Variants in MYO5A observed in about 807,000 individuals in gnomAD.
MYO5A encodes myosin VA.
Under a neutral mutation model 249.7 loss-of-function variants are expected in MYO5A, and 98 were observed. The observed-to-expected ratio is 0.39, with a 90% CI of 0.33 to 0.46. The LOEUF (loss-of-function observed/expected upper bound fraction) is 0.46, where lower values mean the gene tolerates loss of function less well. Ranked by LOEUF, MYO5A falls within the 20% of genes least tolerant of loss-of-function variation. The pLI is 0.98. For missense variants in MYO5A, 1,696 were observed against 2,308.8 expected (o/e 0.73, Z 5.44); for synonymous variants, 778 against 810.6 (o/e 0.96, Z 0.68).
intron 27 of MYO5A, among the ~76,000 whole-genome samples, chr15:52,352,352 T>A (rs2039997069): frequency 6.6e-6 from 1 of 152,214 alleles, no homozygotes. Context: ...AGCACCATGG[T>A]GCCTCATTTA....
chr15:52,526,045 CA>C (rs1050422916), intron 1 of MYO5A, among the ~76,000 whole-genome samples: 1 of 152,162 alleles, frequency 6.6e-6, no homozygotes, highest in African/African-American at 2.4e-5. Flanking sequence ...GGCCCATTCA[CA>C]AAAAGAATTT....
chr15:52,522,415 A>G (rs1249137371), intron 1 of MYO5A, among the ~76,000 whole-genome samples: 1 of 152,176 alleles, frequency 6.6e-6, no homozygotes, highest in East Asian at 1.9e-4. Flanking sequence ...CTAGGAAGAT[A>G]AATAGAATAA....
chr15:52,333,170 C>T (rs758252092), intron 34 of MYO5A, among the ~76,000 whole-genome samples: 11 of 149,366 alleles, frequency 7.4e-5, no homozygotes, highest in Admixed American at 2.7e-4. Flanking sequence ...TATAAATCAC[C>T]CAGTCTCAAG....
At chr15:52,425,678 T>C (rs528036989) in intron 4 of MYO5A, 152 bp downstream of exon 4, 21 of 861,862 alleles carry the variant, frequency 2.4e-5, no homozygotes, top group Non-Finnish European at 3.6e-5. Context: ...TATTTAATAA[T>C]AATCCAAGTC....
In MYO5A at chr15:52,428,412, A is replaced by G. The variant is rs1234793085; in HGVS notation, c.296T>C (p.Ile99Thr). The change falls in exon 3 of 42, where the codon ATT (isoleucine) becomes ACT (threonine). Residue 99 changes from isoleucine to threonine, a missense_variant. By Grantham distance (89) the Ile-to-Thr change is moderately conservative. Around this residue, in one of 5 missense-constraint regions of MYO5A, gnomAD observed 197 missense variants for 320.3 expected, o/e 0.62. Coordinates refer to ENST00000399233, the MANE Select transcript of MYO5A (RefSeq NM_001382347.1). ...LRVRFIDSKL[I>T]YTYCGIVLVA... ...AGCATACTTACCACAATACGTATAA[A>G]TAAGTTTGGAATCAATAAAGCGGAC... 1.9e-6 allele frequency: 3 copies of G among 1,613,932 alleles called. No homozygotes were observed. The highest frequency in any genetic ancestry group is 1.3e-5 in the African/African-American group (1 of 74,930).
At chr15:52,339,086 GC>G (rs1461317795) in intron 32 of MYO5A, among the ~76,000 whole-genome samples, 2 of 152,064 alleles carry the variant, frequency 1.3e-5, no homozygotes, top group Non-Finnish European at 2.9e-5. Context: ...CCCACACACT[GC>G]CCCCACCCTC....
At position 52,435,646 on chromosome 15, in the gene MYO5A, T is replaced by C. The variant is rs149732125; in HGVS notation, c.28-2361A>G. 1.1e-3 allele frequency: 494 copies of C among 455,728 alleles called. 1 individual carries two copies. Among genetic ancestry groups the C allele is most frequent in the African/African-American group, 8.6e-3 (433 of 50,144 alleles). The allele number at this position is 455,728 out of a possible 1,614,324, so 28.2% of individuals were successfully genotyped here. A position where few individuals can be genotyped will look rare whatever the true frequency, so the allele number is the denominator to read the frequency against. The stretch of plus-strand genomic sequence containing the variant: ...GGGAAGCTGCTGTGGTATATTGCCA[T>C]AGTTTCCAAACTACTAGATTTCATG... On this transcript the variant is annotated intron_variant, in intron 1 of 41. Transcript: ENST00000399233.
At chr15:52,481,537 C>T (rs991636355) in intron 1 of MYO5A, among the ~76,000 whole-genome samples, 3 of 152,146 alleles carry the variant, frequency 2.0e-5, no homozygotes, top group Non-Finnish European at 4.4e-5. Flanking sequence ...GTACAAGGTG[C>T]CATGGGAGCC....
At chr15:52,446,621 A>C (rs887785087) in intron 1 of MYO5A, among the ~76,000 whole-genome samples, 3 of 152,152 alleles carry the variant, frequency 2.0e-5, no homozygotes, top group Admixed American at 2.0e-4. Flanking sequence ...TCGTAAATCC[A>C]CTGGCACCTT....
At chr15:52,485,269 A>C (rs2076795651) in intron 1 of MYO5A, among the ~76,000 whole-genome samples, 1 of 151,292 alleles carries the variant, frequency 6.6e-6, no homozygotes. Flanking sequence ...TAAAAAAAAA[A>C]AAAAAAAAAA....
chr15:52,528,815 C>T lies in MYO5A; in HGVS notation c.-9G>A. ...AGCTCCGACGCAGCCATGGCGGGCCCCGCGCGCCTACGCCCCCCGCCTGTG... is the reference window on the plus strand; with the variant it reads ...AGCTCCGACGCAGCCATGGCGGGCCTCGCGCGCCTACGCCCCCCGCCTGTG... On this transcript the variant is annotated 5_prime_UTR_variant, in exon 1 of 42. Transcript: ENST00000399233. The T allele has an allele frequency of 1.3e-6, 2 of 1,488,048 alleles. No individual in the cohort carries two copies. The highest frequency in any genetic ancestry group is 1.8e-6 in the Non-Finnish European group (2 of 1,125,246). 92.2% of individuals were successfully genotyped at this position (1,488,048 alleles called of 1,614,324 possible). A position where few individuals can be genotyped will look rare whatever the true frequency, so the allele number is the denominator to read the frequency against.
At chr15:52,448,092 T>C (rs915231995) in intron 1 of MYO5A, among the ~76,000 whole-genome samples, 4 of 152,220 alleles carry the variant, frequency 2.6e-5, no homozygotes, top group African/African-American at 9.6e-5. Context: ...TTACACCATG[T>C]GCCTGGAAAA....
chr15:52,346,512 G>T, intron 29 of MYO5A, 51 bp from the exon 30 acceptor site: 1 of 1,195,582 alleles, frequency 8.4e-7, no homozygotes, highest in Non-Finnish European at 1.2e-6. Context: ...CAAAAGCTTT[G>T]GACATAAAAC....
rs965027279 is a variant in MYO5A, at chr15:52,310,331, A to C, written c.*3365T>G. The C allele has an allele frequency of 1.3e-5, 2 of 152,226 alleles. No individual in the cohort carries two copies. Among genetic ancestry groups the C allele is most frequent in the African/African-American group, 4.8e-5 (2 of 41,454 alleles). 9.4% of individuals were successfully genotyped at this position (152,226 alleles called of 1,614,324 possible). ...TCAGGCAGATCAAAGCCTTAACCTG[A>C]GGAAAAGCTGCAAAAAGGGAAATTA... On this transcript the variant is annotated 3_prime_UTR_variant, in exon 42 of 42. Coordinates refer to ENST00000399233, the MANE Select transcript of MYO5A (RefSeq NM_001382347.1).
chr15:52,330,598 G>T, intron 34 of MYO5A, 99 bp from the exon 35 acceptor site: 3 of 1,407,972 alleles, frequency 2.1e-6, no homozygotes, highest in African/African-American at 2.9e-5. Context: ...TACAACAACC[G>T]AAACTTGCCA....
chr15:52,488,413 A>G (rs2076867978), intron 1 of MYO5A, among the ~76,000 whole-genome samples: 1 of 152,244 alleles, frequency 6.6e-6, no homozygotes. Flanking sequence ...GCAGCACATT[A>G]GTTGTACACA....
intron 1 of MYO5A, among the ~76,000 whole-genome samples, chr15:52,469,780 C>A (rs933189487): frequency 5.9e-5 from 9 of 152,168 alleles, no homozygotes; most frequent in Non-Finnish European, 1.0e-4. Flanking sequence ...TGTCTAATGT[C>A]AATTTGCTTC....
chr15:52,384,031 T>C, intron 15 of MYO5A, 130 bp downstream of exon 15: 1 of 1,075,490 alleles, frequency 9.3e-7, no homozygotes, highest in South Asian at 1.4e-5. Flanking sequence ...TGGTGTCGTA[T>C]GATCTCACAG....
intron 34 of MYO5A, among the ~76,000 whole-genome samples, 164 bp downstream of exon 34, chr15:52,336,299 T>C (rs1218267313): frequency 6.6e-6 from 1 of 152,194 alleles, no homozygotes; most frequent in East Asian, 1.9e-4. Flanking sequence ...CATTTAAAAA[T>C]GTAAATTTCT....
Sources: gnomAD v4.1 joint callset for allele counts (sites outside exome capture counted in the v4.1 genomes callset) on GRCh38, gnomAD v4.1.1 for gene constraint, gnomAD v4.1.1 regional missense constraint, MANE v1.5 for transcripts, NCBI Gene and HGNC (gene_info 2026-07-23, HGNC 2026-07-21) for gene names.